PHACTR2: variants seen among roughly 807,000 people sequenced by gnomAD.
The protein encoded by PHACTR2 is phosphatase and actin regulator 2.
In PHACTR2, 30 loss-of-function variants were observed where a neutral mutation model predicts 76.0. The observed-to-expected ratio is 0.39, with a 90% CI of 0.30 to 0.54. PHACTR2 has a LOEUF of 0.54. Ranked by LOEUF, PHACTR2 falls within the 20% of genes least tolerant of loss-of-function variation. The pLI is 0.61. For synonymous variants in PHACTR2, 292 were observed against 292.5 expected (o/e 1.00, Z 0.02); for missense variants, 696 against 781.1 (o/e 0.89, Z 1.30).
intron 2 of PHACTR2, among the ~76,000 whole-genome samples, chr6:143,713,202 G>A (rs1260066045): frequency 6.6e-6 from 1 of 152,176 alleles, no homozygotes; most frequent in East Asian, 1.9e-4. Context: ...TGGAATAGGA[G>A]CATCAAAGCT....
chr6:143,807,272 C>T lies in PHACTR2; in HGVS notation c.1922+139C>T, dbSNP rs528686330. 78 of 594,126 alleles carry T rather than the reference C, an allele frequency of 1.3e-4. No individual in the cohort carries two copies. The highest frequency in any genetic ancestry group is 1.0e-3 in the Admixed American group (31 of 29,852). 36.8% of individuals were successfully genotyped at this position (594,126 alleles called of 1,614,324 possible). A position where few individuals can be genotyped will look rare whatever the true frequency, so the allele number is the denominator to read the frequency against. Reference sequence around the variant, plus strand: ...ATCACAATTAAAAAATGTTTTTAAACAGTTTAGCTTAAAACCATCTTATGA... The same window carrying T: ...ATCACAATTAAAAAATGTTTTTAAATAGTTTAGCTTAAAACCATCTTATGA... On this transcript the variant is annotated intron_variant, in intron 12 of 12. Transcript: ENST00000440869. This position sits in a 1 kb window ranked among gnomAD's most constrained non-coding sequence, Gnocchi z 5.5.
At chr6:143,725,198 C>CTTTTTT in intron 2 of PHACTR2, among the ~76,000 whole-genome samples, 1 of 61,840 alleles carries the variant, frequency 1.6e-5, no homozygotes, top group African/African-American at 7.0e-5. Flanking sequence ...TTTGTGCTGT[C>CTTTTTT]TTTTTTTTTT....
At chr6:143,690,477 G>A (rs1582775179) in intron 1 of PHACTR2, among the ~76,000 whole-genome samples, 1 of 152,090 alleles carries the variant, frequency 6.6e-6, no homozygotes, top group East Asian at 1.9e-4. Context: ...AAAAGCTCAC[G>A]GGGTGTATGG....
At chr6:143,802,552 T>A (rs1277847710) in intron 11 of PHACTR2, among the ~76,000 whole-genome samples, 1 of 143,352 alleles carries the variant, frequency 7.0e-6, no homozygotes, top group Non-Finnish European at 1.5e-5. Context: ...GAGGCTGAGG[T>A]GGGAGGGTGT....
Position 143,710,594 on chromosome 6 carries a change from G to A in PHACTR2, c.47-1422G>A, listed in dbSNP as rs1037093462. Among the ~76,000 whole-genome samples, 1 of 152,182 alleles carries A rather than the reference G, an allele frequency of 6.6e-6. No homozygotes were observed. Among genetic ancestry groups the A allele is most frequent in the East Asian group, 1.9e-4 (1 of 5,186 alleles). On this transcript the variant is annotated intron_variant, in intron 1 of 12. Transcript: ENST00000440869. This position sits in a 1 kb window ranked among gnomAD's most constrained non-coding sequence, Gnocchi z 4.9. ...TGTAGTCAGTCCCAGCTGCTTGGGAGGCTGAGGCAGGAGAATTGCTTGAAC... is the reference window on the plus strand; with the variant it reads ...TGTAGTCAGTCCCAGCTGCTTGGGAAGCTGAGGCAGGAGAATTGCTTGAAC...
chr6:143,813,617 C>CAAAAA (rs373797909), intron 12 of PHACTR2, among the ~76,000 whole-genome samples: 5 of 63,112 alleles, frequency 7.9e-5, no homozygotes, highest in Admixed American at 1.8e-4. Flanking sequence ...GACTCCGCCT[C>CAAAAA]AAAAAAAAAA....
chr6:143,605,291 G>A (rs566902529), upstream of PHACTR2, among the ~76,000 whole-genome samples: 110 of 152,264 alleles, frequency 7.2e-4, 1 homozygote, highest in Admixed American at 4.9e-3. This position sits in a 1 kb window ranked among gnomAD's most constrained non-coding sequence, Gnocchi z 5.0. Flanking sequence ...ATAAAAATGG[G>A]AACGAACCCC....
rs1428309329 is a variant in PHACTR2 at position 143,783,004 on chromosome 6, C to CGTGTGTGTGTGTGT, written c.1646-215_1646-214insGTGTGTGTGTGTGT. Among the ~76,000 whole-genome samples the CGTGTGTGTGTGTGT allele has an allele frequency of 2.4e-5, 1 of 41,756 alleles. No individual in the cohort carries two copies. Among genetic ancestry groups the CGTGTGTGTGTGTGT allele is most frequent in the Non-Finnish European group, 5.1e-5 (1 of 19,740 alleles). The allele number at this position is 41,756 out of a possible 152,430, so 27.4% of individuals were successfully genotyped here. A position where few individuals can be genotyped will look rare whatever the true frequency, so the allele number is the denominator to read the frequency against. On this transcript the variant is annotated intron_variant, in intron 9 of 12. Coordinates refer to ENST00000440869, the MANE Select transcript of PHACTR2 (RefSeq NM_001100164.2). This position sits in a 1 kb window ranked among gnomAD's most constrained non-coding sequence, Gnocchi z 5.2. ...AAGCAAACCAGTCCTACAAAAAAAG[C>CGTGTGTGTGTGTGT]ATGTGTGTGTGTGTGTGTGTGTGTG...
rs983789192 is a variant in PHACTR2, at chr6:143,623,511, G to A, written c.13+15189G>A. Reference sequence around the variant, plus strand: ...AATCACTTGAGCTCGGAAGGAGAAGGTTGCAGTGAGCCAAGATCATGCCAC... The same window carrying A: ...AATCACTTGAGCTCGGAAGGAGAAGATTGCAGTGAGCCAAGATCATGCCAC... On this transcript the variant is annotated intron_variant, in intron 1 of 11. Transcript: ENST00000305766. The surrounding 1 kb of genome is among the most constrained non-coding windows in gnomAD (Gnocchi z 5.9). Among the ~76,000 whole-genome samples the A allele has an allele frequency of 6.6e-6, 1 of 152,106 alleles. No homozygotes were observed. Among genetic ancestry groups the A allele is most frequent in the Admixed American group, 6.5e-5 (1 of 15,274 alleles).
In PHACTR2 at chr6:143,658,528, C is replaced by T. The variant is rs1408086594; in HGVS notation, c.13+50206C>T. Among the ~76,000 whole-genome samples, 2 of 152,086 alleles carry T rather than the reference C, an allele frequency of 1.3e-5. No homozygotes were observed. The highest frequency in any genetic ancestry group is 2.9e-5 in the Non-Finnish European group (2 of 68,032). ...GTAAACATGATAGAGTGTATTTTAACAAACCTGGATGGAATAGCCTACTAT... is the reference window on the plus strand; with the variant it reads ...GTAAACATGATAGAGTGTATTTTAATAAACCTGGATGGAATAGCCTACTAT... On this transcript the variant is annotated intron_variant, in intron 1 of 11. Transcript: ENST00000305766. This position sits in a 1 kb window ranked among gnomAD's most constrained non-coding sequence, Gnocchi z 4.1.
chr6:143,739,713 G>C lies in PHACTR2; in HGVS notation c.215-9272G>C, dbSNP rs990608095. ...TGCTTGTACTTCCTGGCCCTTCTGG[G>C]ATTGAGGACTTGCTCATTGTTTGAA... is the stretch of plus-strand genomic sequence containing the variant. On this transcript the variant is annotated intron_variant, in intron 2 of 12. Transcript: ENST00000440869. This position sits in a 1 kb window ranked among gnomAD's most constrained non-coding sequence, Gnocchi z 4.3. Among the ~76,000 whole-genome samples the C allele has an allele frequency of 2.6e-5, 4 of 152,126 alleles. No individual in the cohort carries two copies. The highest frequency in any genetic ancestry group is 4.4e-5 in the Non-Finnish European group (3 of 68,028).
Position 143,788,755 on chromosome 6 carries a change from T to C in PHACTR2, c.1708-18T>C. 6.2e-7 allele frequency: 1 copy of C among 1,601,676 alleles called. No individual in the cohort carries two copies. Among genetic ancestry groups the C allele is most frequent in the Non-Finnish European group, 8.5e-7 (1 of 1,170,790 alleles). ...AAGTGGTTTACTGAACTCTGCCTTT[T>C]TCCTTGTCCTCCTGCAGCTCAGCCT... On this transcript the variant is annotated intron_variant, in intron 10 of 12. Coordinates refer to ENST00000440869, the MANE Select transcript of PHACTR2 (RefSeq NM_001100164.2).
rs370254439 is a variant in PHACTR2, at chr6:143,678,561, A to G, written c.46+352A>G. 6.6e-6 allele frequency among the ~76,000 whole-genome samples: 1 copy of G among 152,212 alleles called. No individual in the cohort carries two copies. The highest frequency in any genetic ancestry group is 1.5e-5 in the Non-Finnish European group (1 of 68,044). ...TAGAGAGCAAGAGAAACATGCCAAC[A>G]GGTTTTTCTGTATTTACGCTTGGCT... On this transcript the variant is annotated intron_variant, in intron 1 of 12. Coordinates refer to ENST00000440869, the MANE Select transcript of PHACTR2 (RefSeq NM_001100164.2). This position sits in a 1 kb window ranked among gnomAD's most constrained non-coding sequence, Gnocchi z 6.2.
chr6:143,594,589 T>C (rs1775727620), intron 1 of PHACTR2, among the ~76,000 whole-genome samples: 2 of 152,236 alleles, frequency 1.3e-5, no homozygotes, highest in Admixed American at 6.5e-5. Context: ...TCAGCCCCAC[T>C]CCTTCTCTAC....
intron 9 of PHACTR2, among the ~76,000 whole-genome samples, chr6:143,781,069 T>A (rs951617418): frequency 6.6e-6 from 1 of 152,188 alleles, no homozygotes; most frequent in Non-Finnish European, 1.5e-5. Context: ...ACTTGAGTCC[T>A]GGAGATCAAG....
At position 143,618,378 on chromosome 6, in the gene PHACTR2, C is replaced by A. The variant is rs923263714; in HGVS notation, c.13+10056C>A. ...ATGCTTTGATAACTTGCTTTTCTGG[C>A]GTTTTGGTTAATAAATGGTGTTTTT... On this transcript the variant is annotated intron_variant, in intron 1 of 11. Transcript: ENST00000305766. The surrounding 1 kb of genome is among the most constrained non-coding windows in gnomAD (Gnocchi z 5.2). 6.6e-6 allele frequency among the ~76,000 whole-genome samples: 1 copy of A among 151,996 alleles called. No homozygotes were observed. Among genetic ancestry groups the A allele is most frequent in the African/African-American group, 2.4e-5 (1 of 41,358 alleles).
At chr6:143,566,294 T>A (rs1432022847) in intron 1 of PHACTR2, among the ~76,000 whole-genome samples, 1 of 151,672 alleles carries the variant, frequency 6.6e-6, no homozygotes. Flanking sequence ...TTTATTTACT[T>A]ATTTTGTATT....
chr6:143,686,655 T>G (rs1777533960), intron 1 of PHACTR2, among the ~76,000 whole-genome samples: 1 of 151,972 alleles, frequency 6.6e-6, no homozygotes. Context: ...GCCCAGCTAA[T>G]TTTTGTATTT....
chr6:143,825,812 A>G lies in PHACTR2; in HGVS notation c.*2123A>G, dbSNP rs1030868713. On this transcript the variant is annotated 3_prime_UTR_variant, in exon 13 of 13. Transcript: ENST00000440869. This position sits in a 1 kb window ranked among gnomAD's most constrained non-coding sequence, Gnocchi z 4.1. ...TAAGACATCACCATTTTATCACTCA[A>G]AGTATGTTATTGAAAGTTTCTATTT... 2.0e-5 allele frequency: 3 copies of G among 152,078 alleles called. No individual in the cohort carries two copies. Among genetic ancestry groups the G allele is most frequent in the African/African-American group, 7.2e-5 (3 of 41,412 alleles). The allele number at this position is 152,078 out of a possible 1,614,324, so 9.4% of individuals were successfully genotyped here. A position where few individuals can be genotyped will look rare whatever the true frequency, so the allele number is the denominator to read the frequency against.
Sources: allele counts gnomAD v4.1 joint callset (sites outside exome capture counted in the v4.1 genomes callset), GRCh38; gene constraint gnomAD v4.1.1; non-coding constraint Gnocchi (gnomAD v3.1); transcripts MANE v1.5; gene names NCBI Gene and HGNC (gene_info 2026-07-23, HGNC 2026-07-21).